The following GLYATL1 variants were observed in gnomAD, a reference collection of about 807,000 sequenced individuals.
GLYATL1 encodes glycine N-acyltransferase-like protein 1.
GLYATL1 carries 15 observed loss-of-function variants against 20.0 expected under a neutral mutation model. The observed-to-expected ratio is 0.75, with a 90% CI of 0.50 to 1.15. The LOEUF is 1.15. Among genes scored for constraint, GLYATL1 ranks in the 50% most tolerant of loss-of-function variants. The pLI is 0.00. For missense variants in GLYATL1, 380 were observed against 368.5 expected, an observed-to-expected ratio of 1.03 and a Z score of -0.26; for synonymous variants, 151 against 131.5, an observed-to-expected ratio of 1.15 and a Z score of -1.01.
intron 1 of GLYATL1, among the ~76,000 whole-genome samples, chr11:58,930,906 C>T (rs1855574200): frequency 1.3e-5 from 2 of 152,190 alleles, no homozygotes; most frequent in African/African-American, 4.8e-5. Context: ...GCATCCCCCA[C>T]AATTCATATG....
intron 4 of GLYATL1, among the ~76,000 whole-genome samples, chr11:58,954,248 T>A (rs536882839): frequency 6.6e-6 from 1 of 152,302 alleles, no homozygotes; most frequent in South Asian, 2.1e-4. Context: ...TGAGCCAAGT[T>A]TAAGGACTTA....
Position 58,956,266 on chromosome 11 carries a change from G to A in GLYATL1, c.*239G>A. On this transcript the variant is annotated 3_prime_UTR_variant, in exon 7 of 7. Coordinates refer to ENST00000532726, the MANE Select transcript of GLYATL1 (RefSeq NM_001389712.2). ...TGCTTAAGTGTTATAGGGAAAGACG[G>A]GGTTACCAGTAAACATGTAACTAGA... 1.3e-5 allele frequency: 6 copies of A among 476,508 alleles called. No homozygotes were observed. The highest frequency in any genetic ancestry group is 1.5e-5 in the Non-Finnish European group (4 of 269,642). 29.5% of individuals were successfully genotyped at this position (476,508 alleles called of 1,614,324 possible).
upstream of GLYATL1, among the ~76,000 whole-genome samples, chr11:58,937,799 C>A (rs1388238923): frequency 6.6e-6 from 1 of 152,186 alleles, no homozygotes; most frequent in Non-Finnish European, 1.5e-5. Flanking sequence ...ATGGCTGCTG[C>A]ATCCCAGTTT....
chr11:58,936,300 A>T (rs1855833088), upstream of GLYATL1, among the ~76,000 whole-genome samples: 1 of 152,246 alleles, frequency 6.6e-6, no homozygotes, highest in South Asian at 2.1e-4. Flanking sequence ...AAAATTCATC[A>T]CAAAGTGGAA....
chr11:58,916,200 T>C (rs547879904), intron 1 of GLYATL1, among the ~76,000 whole-genome samples: 1 of 152,320 alleles, frequency 6.6e-6, no homozygotes, highest in African/African-American at 2.4e-5. Flanking sequence ...ACTTTCACTC[T>C]TTTGGCATGG....
rs779631570 is a variant in GLYATL1, at chr11:58,955,680, C to T, written c.562C>T (p.Arg188Ter). ...YSGLVNDNWKRGKNERSLHYI... is the reference protein window; with the variant it reads ...YSGLVNDNWK ...TGGGCTGGTAAATGACAACTGGAAG[C>T]GAGGGAAGAATGAGAGGAGCCTGCA... Residue 188 changes from arginine to a stop codon, truncating the protein, a stop_gained, in exon 7 of 7, where the codon CGA becomes TGA. Transcript: ENST00000532726. LOFTEE classifies it low-confidence loss of function (END_TRUNC). 4.1e-5 allele frequency: 66 copies of T among 1,613,938 alleles called. No individual in the cohort carries two copies. The highest frequency in any genetic ancestry group is 8.3e-5 in the Admixed American group (5 of 59,990).
intron 1 of GLYATL1, 165 bp from the exon 2 acceptor site, chr11:58,943,378 G>T (rs910945329): frequency 6.5e-7 from 1 of 1,543,062 alleles, no homozygotes; most frequent in African/African-American, 1.4e-5. Context: ...TCTGGTTCCT[G>T]TACATCACTT....
upstream of GLYATL1, chr11:58,927,544 A>T (rs1220337365): frequency 2.6e-5 from 4 of 152,240 alleles, no homozygotes; most frequent in East Asian, 3.9e-4. Flanking sequence ...ACTTTGTTGT[A>T]TGTGCCTCTC....
chr11:58,922,313 G>A (rs1855328298), intron 1 of GLYATL1, among the ~76,000 whole-genome samples: 4 of 152,176 alleles, frequency 2.6e-5, no homozygotes, highest in Admixed American at 2.6e-4. Context: ...ATCTATAAGG[G>A]CCTAGGGCTT....
At chr11:58,914,528 GC>G (rs761657844) in intron 1 of GLYATL1, among the ~76,000 whole-genome samples, 10 of 152,114 alleles carry the variant, frequency 6.6e-5, no homozygotes, top group Admixed American at 2.0e-4. Context: ...GAGTGTGCAG[GC>G]CCGGTGAGAT....
upstream of GLYATL1, among the ~76,000 whole-genome samples, chr11:58,924,279 TA>T (rs913803178): frequency 1.4e-4 from 21 of 152,202 alleles, no homozygotes; most frequent in African/African-American, 4.3e-4. Flanking sequence ...TAAATTCCAT[TA>T]GGGGGCAATA....
upstream of GLYATL1, chr11:58,927,614 TG>T (rs1855458509): frequency 6.6e-6 from 1 of 152,410 alleles, no homozygotes; most frequent in East Asian, 1.9e-4. Flanking sequence ...TCTGCTGCCA[TG>T]TGGGCGGAGT....
rs191533028 is a variant in GLYATL1 at position 58,922,268 on chromosome 11, G to C, written n.264+16607G>C. On this transcript the variant is annotated intron_variant and non_coding_transcript_variant, in intron 1 of 2. Transcript: ENST00000534674. ...GGTTGAGCTGTTTCAGTCTGGCCCA[G>C]TTGGATGGTGCGTTAGGAAGATAAA... 5.3e-5 allele frequency among the ~76,000 whole-genome samples: 8 copies of C among 152,318 alleles called. No individual in the cohort carries two copies. In the East Asian group the frequency reaches 1.5e-3, roughly 29 times the overall value.
chr11:58,953,083 G>T (rs947861057), intron 4 of GLYATL1, among the ~76,000 whole-genome samples: 2 of 152,076 alleles, frequency 1.3e-5, no homozygotes, highest in African/African-American at 2.4e-5. Flanking sequence ...ATATTTTTAT[G>T]GAATACTACA....
intron 1 of GLYATL1, among the ~76,000 whole-genome samples, chr11:58,931,233 C>T (rs1410996593): frequency 1.3e-5 from 2 of 152,110 alleles, no homozygotes; most frequent in Admixed American, 1.3e-4. Flanking sequence ...CGTCATCTTC[C>T]CTCTGTGTCT....
rs953629981 is a variant in GLYATL1, at chr11:58,955,668, G to A, written c.550G>A (p.Asp184Asn). 1 of 1,614,168 alleles carries A rather than the reference G, an allele frequency of 6.2e-7. No homozygotes were observed. The highest frequency in any genetic ancestry group is 8.5e-7 in the Non-Finnish European group (1 of 1,180,026). Residue 184 changes from aspartate (D) to asparagine (N), a missense_variant, in exon 7 of 7, where the codon GAC becomes AAC. Coordinates refer to ENST00000532726, the MANE Select transcript of GLYATL1 (RefSeq NM_001389712.2). ...LDVSYSGLVNDNWKRGKNERS... is the reference protein window; with the variant it reads ...LDVSYSGLVNNNWKRGKNERS... ...TGTCTCTTATTCTGGGCTGGTAAATGACAACTGGAAGCGAGGGAAGAATGA... is the reference window on the plus strand; with the variant it reads ...TGTCTCTTATTCTGGGCTGGTAAATAACAACTGGAAGCGAGGGAAGAATGA...
At chr11:58,913,963 C>A (rs924215387) in intron 1 of GLYATL1, among the ~76,000 whole-genome samples, 4 of 152,180 alleles carry the variant, frequency 2.6e-5, no homozygotes, top group Non-Finnish European at 5.9e-5. Flanking sequence ...CTCTAAGGAA[C>A]ATGCCTGGGT....
At chr11:58,910,605 C>T (rs938672415), downstream of GLYATL1, among the ~76,000 whole-genome samples, 54 of 151,970 alleles carry the variant, frequency 3.6e-4, 1 homozygote, top group African/African-American at 9.9e-4. Flanking sequence ...TAGAACAGAA[C>T]TAGAGTGTAA....
chr11:58,947,134 C>T lies in GLYATL1; in HGVS notation c.47C>T (p.Ser16Phe). ...CATAAGCTGCTGGCCCTATACAAAT[C>T]CTTGGCCAGGAGCATCCCTGAGTCC... ...NSHKLLALYKSLARSIPESLK... is the reference protein window; with the variant it reads ...NSHKLLALYKFLARSIPESLK... Residue 16 changes from serine (S) to phenylalanine (F), a missense_variant, in exon 3 of 7, where the codon TCC becomes TTC. Coordinates refer to ENST00000532726, the MANE Select transcript of GLYATL1 (RefSeq NM_001389712.2). 1 of 1,613,758 alleles carries T rather than the reference C, an allele frequency of 6.2e-7. No homozygotes were observed. Among genetic ancestry groups the T allele is most frequent in the Non-Finnish European group, 8.5e-7 (1 of 1,179,678 alleles).
Sources: allele counts gnomAD v4.1 joint callset (sites outside exome capture counted in the v4.1 genomes callset), GRCh38; gene constraint gnomAD v4.1.1; transcripts MANE v1.5; gene names NCBI Gene and HGNC (gene_info 2026-07-23, HGNC 2026-07-21).